EML4: variants seen among roughly 807,000 people sequenced by gnomAD.
EML4 encodes the protein echinoderm microtubule-associated protein-like 4.
In EML4, 72 loss-of-function variants were observed where a neutral mutation model predicts 129.0. That is an observed-to-expected ratio of 0.56 (90% CI 0.46 to 0.68). The LOEUF is 0.68. Among genes scored for constraint, EML4 ranks in the 30% least tolerant of loss-of-function variants. EML4 has a pLI of 0.00. For synonymous variants in EML4, 532 were observed against 405.0 expected (o/e 1.31, Z -3.77); for missense variants, 1,363 against 1,190.6 (o/e 1.14, Z -2.13).
chr2:42,298,696 A>AT (rs796229536), intron 13 of EML4, among the ~76,000 whole-genome samples: 128 of 151,134 alleles, frequency 8.5e-4, no homozygotes, highest in Admixed American at 2.0e-3. Flanking sequence ...TTTTTTCTTC[A>AT]TTTTTTTTTC....
chr2:42,189,727 T>C (rs1438269123), intron 1 of EML4, among the ~76,000 whole-genome samples: 1 of 152,244 alleles, frequency 6.6e-6, no homozygotes, highest in South Asian at 2.1e-4. Context: ...ATACAGTTAG[T>C]GTGATAAAGC....
chr2:42,266,007 G>A (rs1260154337), intron 6 of EML4, among the ~76,000 whole-genome samples: 1 of 152,112 alleles, frequency 6.6e-6, no homozygotes, highest in African/African-American at 2.4e-5. Flanking sequence ...TCTGTGCATG[G>A]TTTTCACAGC....
chr2:42,261,455 G>T, intron 4 of EML4, 161 bp downstream of exon 4: 1 of 445,224 alleles, frequency 2.2e-6, no homozygotes. Flanking sequence ...ATAGCCCATT[G>T]GGGAATAAAG....
At chr2:42,226,382 G>A (rs925285317) in intron 1 of EML4, among the ~76,000 whole-genome samples, 10 of 151,994 alleles carry the variant, frequency 6.6e-5, no homozygotes, top group Non-Finnish European at 1.2e-4. Context: ...ATTATGGGCC[G>A]GGCGTGGTGG....
At chr2:42,169,779 C>T in intron 1 of EML4, 143 bp downstream of exon 1, 1 of 870,514 alleles carries the variant, frequency 1.1e-6, no homozygotes, top group Non-Finnish European at 1.7e-6. Flanking sequence ...GGCTGCCGCC[C>T]CTCCGCGGAC....
chr2:42,257,502 G>T (rs1426507673), intron 3 of EML4, among the ~76,000 whole-genome samples: 1 of 152,136 alleles, frequency 6.6e-6, no homozygotes, highest in Non-Finnish European at 1.5e-5. Flanking sequence ...TTGATGACAA[G>T]AATGTTGAAG....
intron 1 of EML4, among the ~76,000 whole-genome samples, chr2:42,236,648 C>G (rs1674691991): frequency 6.6e-6 from 1 of 152,170 alleles, no homozygotes; most frequent in Non-Finnish European, 1.5e-5. Context: ...AGTTTGTTGA[C>G]TCCTACTTTA....
At chr2:42,240,720 C>A (rs937663268) in intron 1 of EML4, among the ~76,000 whole-genome samples, 3 of 152,180 alleles carry the variant, frequency 2.0e-5, no homozygotes, top group Non-Finnish European at 2.9e-5. Context: ...TATAGGATAG[C>A]AACTTACTGA....
chr2:42,299,827 T>C (rs913070419), intron 13 of EML4, among the ~76,000 whole-genome samples: 3 of 152,210 alleles, frequency 2.0e-5, no homozygotes, highest in Non-Finnish European at 4.4e-5. Flanking sequence ...TAGCTGGGAT[T>C]ACAGGCATGT....
At chr2:42,224,359 A>G (rs571856614) in intron 1 of EML4, among the ~76,000 whole-genome samples, 1 of 152,262 alleles carries the variant, frequency 6.6e-6, no homozygotes, top group African/African-American at 2.4e-5. Context: ...GATTTCATCC[A>G]TGTTGCAGCA....
intron 1 of EML4, among the ~76,000 whole-genome samples, chr2:42,172,235 CA>C (rs890046721): frequency 2.0e-5 from 3 of 151,962 alleles, no homozygotes; most frequent in Non-Finnish European, 4.4e-5. Context: ...ACTTTATAAA[CA>C]GAATAATTTT....
chr2:42,269,909 A>T (rs1666273624), intron 6 of EML4, among the ~76,000 whole-genome samples: 1 of 152,190 alleles, frequency 6.6e-6, no homozygotes, highest in South Asian at 2.1e-4. Context: ...GAAAGGGCAA[A>T]TGAGTAGTAA....
intron 18 of EML4, among the ~76,000 whole-genome samples, chr2:42,316,345 T>C (rs1185137583): frequency 6.6e-6 from 1 of 152,220 alleles, no homozygotes; most frequent in African/African-American, 2.4e-5. Context: ...TACTTAGAAT[T>C]TTGAATAGGT....
At chr2:42,190,563 CAGAT>C (rs540624946) in intron 1 of EML4, among the ~76,000 whole-genome samples, 28 of 152,240 alleles carry the variant, frequency 1.8e-4, no homozygotes, top group African/African-American at 4.3e-4. Context: ...GATGGGAAAT[CAGAT>C]AGAAGCTATT....
At chr2:42,303,742 G>T (rs1053106453) in intron 16 of EML4, among the ~76,000 whole-genome samples, 1 of 152,086 alleles carries the variant, frequency 6.6e-6, no homozygotes, top group African/African-American at 2.4e-5. Context: ...TGGCTAACAC[G>T]GTGAAGCCCT....
intron 11 of EML4, among the ~76,000 whole-genome samples, chr2:42,291,497 G>A (rs990272565): frequency 6.7e-6 from 1 of 149,616 alleles, no homozygotes; most frequent in East Asian, 2.0e-4. Context: ...TCCGCCTCCT[G>A]GGTTCAAGTG....
rs184356574 is a variant in EML4, at chr2:42,277,593, G to A, written c.668-3257G>A. 2.0e-3 allele frequency among the ~76,000 whole-genome samples: 282 copies of A among 141,566 alleles called. 1 individual carries two copies. The highest frequency in any genetic ancestry group is 6.8e-3 in the African/African-American group (254 of 37,250). The allele number at this position is 141,566 out of a possible 152,430, so 92.9% of individuals were successfully genotyped here. On this transcript the variant is annotated intron_variant, in intron 6 of 22. Coordinates refer to ENST00000318522, the MANE Select transcript of EML4 (RefSeq NM_019063.5). ...ACCTTTTTTTTTTTTTTTTTGAGAC[G>A]GAGTCTCACTCTGTCGCCAGGCTGG...
intron 1 of EML4, among the ~76,000 whole-genome samples, chr2:42,223,279 C>G (rs1673736924): frequency 6.6e-6 from 1 of 152,112 alleles, no homozygotes; most frequent in Admixed American, 6.5e-5. Context: ...GTAAAGATTA[C>G]TGTTCAGAAC....
intron 1 of EML4, among the ~76,000 whole-genome samples, chr2:42,219,133 A>G (rs1673390792): frequency 6.6e-6 from 1 of 152,198 alleles, no homozygotes; most frequent in South Asian, 2.1e-4. Flanking sequence ...TTAGTTGTAG[A>G]CCTTTAATTG....
Sources: gnomAD v4.1 joint callset for allele counts (sites outside exome capture counted in the v4.1 genomes callset) on GRCh38, gnomAD v4.1.1 for gene constraint, MANE v1.5 for transcripts, NCBI Gene and HGNC (gene_info 2026-07-23, HGNC 2026-07-21) for gene names.